The following CNTNAP2 variants were observed in gnomAD, a reference collection of about 807,000 sequenced individuals.
CNTNAP2 encodes the protein contactin-associated protein-like 2.
A neutral mutation model predicts 155.2 loss-of-function variants in CNTNAP2; 98 were observed. That is an observed-to-expected ratio of 0.63 (90% CI 0.54 to 0.75). CNTNAP2 has a LOEUF of 0.75. CNTNAP2 is among the 30% of genes least tolerant of loss of function. CNTNAP2 has a pLI of 0.00. For synonymous variants in CNTNAP2, 651 were observed against 631.2 expected, an observed-to-expected ratio of 1.03 and a Z score of -0.47; for missense variants, 1,727 against 1,688.1, an observed-to-expected ratio of 1.02 and a Z score of -0.40.
intron 13 of CNTNAP2, among the ~76,000 whole-genome samples, chr7:147,897,240 C>G (rs1563127585): frequency 1.3e-5 from 2 of 152,210 alleles, no homozygotes; most frequent in African/African-American, 4.8e-5. Context: ...CAAATTATTA[C>G]TGTCTGCAAT....
intron 1 of CNTNAP2, among the ~76,000 whole-genome samples, chr7:146,450,774 C>T (rs1329359274): frequency 6.6e-6 from 1 of 151,916 alleles, no homozygotes; most frequent in African/African-American, 2.4e-5. Context: ...AATTTTTTTC[C>T]TCTTGGAAAA....
chr7:146,484,326 A>C (rs1156653232), intron 1 of CNTNAP2, among the ~76,000 whole-genome samples: 1 of 152,292 alleles, frequency 6.6e-6, no homozygotes, highest in African/African-American at 2.4e-5. Flanking sequence ...AGTCATGCCC[A>C]CCAAAATTCA....
At chr7:147,897,535 G>A (rs1311586688) in intron 13 of CNTNAP2, among the ~76,000 whole-genome samples, 1 of 152,098 alleles carries the variant, frequency 6.6e-6, no homozygotes, top group Non-Finnish European at 1.5e-5. Context: ...TGAATGCAAT[G>A]CAAAAAATGA....
intron 8 of CNTNAP2, among the ~76,000 whole-genome samples, chr7:147,194,686 C>T (rs552289721): frequency 1.8e-4 from 27 of 152,248 alleles, no homozygotes; most frequent in African/African-American, 6.5e-4. Context: ...TGACGTTGAG[C>T]TTTTTTTCAT....
At chr7:148,156,231 ATGTTTTGTTTT>A (rs1805394652) in intron 17 of CNTNAP2, among the ~76,000 whole-genome samples, 1 of 152,124 alleles carries the variant, frequency 6.6e-6, no homozygotes, top group African/African-American at 2.4e-5. Flanking sequence ...CATGGAAATA[ATGTTTTGTTTT>A]TGTTTTGTTT....
At chr7:146,601,481 A>G (rs775125040) in intron 1 of CNTNAP2, among the ~76,000 whole-genome samples, 1 of 152,086 alleles carries the variant, frequency 6.6e-6, no homozygotes, top group Non-Finnish European at 1.5e-5. Context: ...TTTACTTGTA[A>G]GTTATCCTAT....
At chr7:147,882,045 C>T (rs552162417) in intron 13 of CNTNAP2, among the ~76,000 whole-genome samples, 9 of 151,214 alleles carry the variant, frequency 6.0e-5, no homozygotes, top group Middle Eastern at 3.4e-3. Flanking sequence ...TTTCTGTTAC[C>T]GAGAAGAGGT....
chr7:146,151,657 T>TATAC (rs1562968947), intron 1 of CNTNAP2, among the ~76,000 whole-genome samples: 1 of 35,398 alleles, frequency 2.8e-5, no homozygotes, highest in East Asian at 9.3e-4. Flanking sequence ...TATATATATA[T>TATAC]ATATATATAT....
At chr7:148,351,613 T>C (rs2906920) in intron 21 of CNTNAP2, among the ~76,000 whole-genome samples, 149,553 of 151,460 alleles carry the variant, frequency 0.99, 73,852 homozygotes, top group Middle Eastern at 1. Flanking sequence ...CGTGGTGGTG[T>C]GTGCCTGCAA....
chr7:148,235,435 T>C (rs1361439860), intron 20 of CNTNAP2, among the ~76,000 whole-genome samples: 1 of 152,168 alleles, frequency 6.6e-6, no homozygotes, highest in Non-Finnish European at 1.5e-5. Flanking sequence ...ACATCAGATA[T>C]ATTTTCAGAA....
chr7:148,211,079 C>T (rs1401095608), intron 18 of CNTNAP2, among the ~76,000 whole-genome samples: 1 of 152,212 alleles, frequency 6.6e-6, no homozygotes, highest in African/African-American at 2.4e-5. Context: ...GGGAGCAGAA[C>T]TCCATAAAAT....
At chr7:146,247,352 G>A (rs530468743) in intron 1 of CNTNAP2, among the ~76,000 whole-genome samples, 22 of 152,176 alleles carry the variant, frequency 1.4e-4, no homozygotes, top group East Asian at 7.7e-4. Flanking sequence ...AAGCCGGACC[G>A]GGTGTGAGGA....
intron 1 of CNTNAP2, among the ~76,000 whole-genome samples, chr7:146,651,170 C>G (rs1290648462): frequency 1.3e-5 from 2 of 152,036 alleles, no homozygotes; most frequent in African/African-American, 4.8e-5. Flanking sequence ...AAGTGAAAAA[C>G]TGAAAAATTG....
At chr7:148,324,524 G>A (rs1331770083) in intron 21 of CNTNAP2, among the ~76,000 whole-genome samples, 13 of 152,182 alleles carry the variant, frequency 8.5e-5, no homozygotes, top group African/African-American at 1.7e-4. Flanking sequence ...GAGGTCGGGC[G>A]CAGCGGCTCA....
chr7:146,887,487 T>C (rs1795691318), intron 3 of CNTNAP2, among the ~76,000 whole-genome samples: 1 of 152,130 alleles, frequency 6.6e-6, no homozygotes, highest in Non-Finnish European at 1.5e-5. Flanking sequence ...CATTTAATTG[T>C]AATTATTTTA....
At chr7:147,289,625 C>T (rs983416305) in intron 8 of CNTNAP2, among the ~76,000 whole-genome samples, 1 of 152,072 alleles carries the variant, frequency 6.6e-6, no homozygotes, top group South Asian at 2.1e-4. Context: ...TAATCATTGG[C>T]AGAATAATAA....
Position 146,157,676 on chromosome 7 carries a change from G to C in CNTNAP2, c.97+40703G>C, listed in dbSNP as rs549509678. 7.2e-5 allele frequency among the ~76,000 whole-genome samples: 11 copies of C among 152,284 alleles called. No individual in the cohort carries two copies. The East Asian group carries it at 1.9e-3, about 27-fold the overall frequency. On this transcript the variant is annotated intron_variant, in intron 1 of 23. Coordinates refer to ENST00000361727, the MANE Select transcript of CNTNAP2 (RefSeq NM_014141.6). ...TGAGATCCAACTGCAAGGTGGCAGC[G>C]AGACTGGGGGAGGGGCGTCTGCCAC...
chr7:147,943,007 A>G (rs1482515153), intron 14 of CNTNAP2, among the ~76,000 whole-genome samples: 1 of 151,906 alleles, frequency 6.6e-6, no homozygotes, highest in African/African-American at 2.4e-5. Flanking sequence ...ACTGCACACC[A>G]GCCTGGGCGA....
At position 147,587,757 on chromosome 7, in the gene CNTNAP2, C is replaced by T. The variant is rs559256718; in HGVS notation, c.1897+25500C>T. Reference sequence around the variant, plus strand: ...CGCATAGTGGTATTTTACTTGGAACCTTATGAGAGAGAACTCAATATATTT... The same window carrying T: ...CGCATAGTGGTATTTTACTTGGAACTTTATGAGAGAGAACTCAATATATTT... On this transcript the variant is annotated intron_variant, in intron 12 of 23. Coordinates refer to ENST00000361727, the MANE Select transcript of CNTNAP2 (RefSeq NM_014141.6). Among the ~76,000 whole-genome samples, 7 of 152,198 alleles carry T rather than the reference C, an allele frequency of 4.6e-5. No individual in the cohort carries two copies. In the South Asian group the frequency reaches 1.5e-3, roughly 32 times the overall value.
Sources: allele counts gnomAD v4.1 joint callset (sites outside exome capture counted in the v4.1 genomes callset), GRCh38; gene constraint gnomAD v4.1.1; transcripts MANE v1.5; gene names NCBI Gene and HGNC (gene_info 2026-07-23, HGNC 2026-07-21).